The following PCDHA3 variants were observed in gnomAD, a reference collection of about 807,000 sequenced individuals.
The protein encoded by PCDHA3 is protocadherin alpha-3.
PCDHA3 carries 41 observed loss-of-function variants against 62.2 expected under a neutral mutation model. The ratio of observed to expected loss-of-function variants is 0.66; its 90% CI spans 0.51 to 0.86. The LOEUF (loss-of-function observed/expected upper bound fraction) is 0.86. Ranked by LOEUF, PCDHA3 falls within the 40% of genes least tolerant of loss-of-function variation. The pLI is 0.00. For synonymous variants in PCDHA3, 640 were observed against 555.4 expected (o/e 1.15, Z -2.14); for missense variants, 1,304 against 1,241.2 (o/e 1.05, Z -0.76).
chr5:140,831,988 G>T (rs1771788982), intron 1 of PCDHA3, among the ~76,000 whole-genome samples: 1 of 152,168 alleles, frequency 6.6e-6, no homozygotes, highest in Admixed American at 6.6e-5. Flanking sequence ...TCTCATTACG[G>T]ATTCCATATT....
intron 1 of PCDHA3, chr5:140,849,563 G>A: frequency 1.9e-6 from 3 of 1,598,488 alleles, no homozygotes; most frequent in Non-Finnish European, 2.6e-6. Flanking sequence ...AAACGCTCTC[G>A]GTTCCTGTAA....
chr5:140,953,293 G>A (rs1410676265), intron 1 of PCDHA3, among the ~76,000 whole-genome samples: 3 of 152,084 alleles, frequency 2.0e-5, no homozygotes, highest in Admixed American at 2.0e-4. Context: ...GTGATTCAGG[G>A]ACGGCAGAGA....
chr5:140,999,044 T>TTTC (rs1247197667), intron 3 of PCDHA3, among the ~76,000 whole-genome samples: 1 of 152,342 alleles, frequency 6.6e-6, no homozygotes, highest in East Asian at 1.9e-4. Flanking sequence ...TCCAGTGTGC[T>TTTC]TTCCACCATG....
At chr5:140,929,132 T>C (rs782124526) in intron 1 of PCDHA3, 2 of 1,614,214 alleles carry the variant, frequency 1.2e-6, no homozygotes, top group East Asian at 4.5e-5. Flanking sequence ...GTCACTACAG[T>C]TGAGAGACTT....
At chr5:140,831,068 A>G (rs1322669648) in intron 1 of PCDHA3, 1 of 152,158 alleles carries the variant, frequency 6.6e-6, no homozygotes, top group Non-Finnish European at 1.5e-5. Flanking sequence ...CCCCTTTTAA[A>G]CCATTGAGGA....
At chr5:140,925,523 A>G (rs2082536331) in intron 1 of PCDHA3, among the ~76,000 whole-genome samples, 1 of 152,138 alleles carries the variant, frequency 6.6e-6, no homozygotes, top group African/African-American at 2.4e-5. Flanking sequence ...ACCAAATTAA[A>G]AGCGAGGAGA....
chr5:140,828,876 T>C (rs1554131616), intron 1 of PCDHA3: 4 of 1,614,116 alleles, frequency 2.5e-6, no homozygotes, highest in African/African-American at 2.7e-5. Flanking sequence ...ACAACAGTTA[T>C]CAGACTGAAT....
chr5:140,842,994 A>G lies in PCDHA3; in HGVS notation c.2394+39403A>G, dbSNP rs1409771801. 3.8e-6 allele frequency: 6 copies of G among 1,595,048 alleles called. 1 individual carries two copies. The Admixed American group carries it at 1.0e-4, about 27-fold the overall frequency. ...ACGCTGCAGGTGTTCGTGCTGGACGAGAATGACAACGCGCCGGCACTGCTG... is the reference window on the plus strand; with the variant it reads ...ACGCTGCAGGTGTTCGTGCTGGACGGGAATGACAACGCGCCGGCACTGCTG... On this transcript the variant is annotated intron_variant, in intron 1 of 3. Coordinates refer to ENST00000522353, the MANE Select transcript of PCDHA3 (RefSeq NM_018906.3).
intron 1 of PCDHA3, chr5:140,852,646 A>G (rs1554146012): frequency 1.0e-6 from 1 of 958,708 alleles, no homozygotes; most frequent in Admixed American, 6.4e-5. Context: ...CATTAAACCT[A>G]TCTATATCTG....
chr5:140,841,226 G>C (rs892482314), intron 1 of PCDHA3: 17 of 1,452,002 alleles, frequency 1.2e-5, no homozygotes, highest in African/African-American at 2.9e-5. Flanking sequence ...GCCGAACAAC[G>C]GGAGATGCAG....
intron 3 of PCDHA3, among the ~76,000 whole-genome samples, chr5:140,984,528 T>C (rs1187541000): frequency 7.2e-5 from 11 of 152,216 alleles, no homozygotes; most frequent in African/African-American, 2.4e-4. Flanking sequence ...ACAGTCTTCA[T>C]GGACTGTGCT....
intron 1 of PCDHA3, chr5:140,876,229 GA>G: frequency 1.9e-6 from 3 of 1,613,978 alleles, no homozygotes; most frequent in Non-Finnish European, 2.5e-6. Context: ...AGTGTTGTCT[GA>G]AAATGTCCAA....
chr5:140,802,510 C>A lies in PCDHA3; in HGVS notation c.1313C>A (p.Thr438Lys). 1 of 1,614,190 alleles carries A rather than the reference C, an allele frequency of 6.2e-7. No individual in the cohort carries two copies. The highest frequency in any genetic ancestry group is 1.3e-5 in the African/African-American group (1 of 75,068). Residue 438 changes from threonine to lysine, a missense_variant, in exon 1 of 4, where the codon ACG (threonine) becomes AAG (lysine). Thr to Lys is a moderately conservative substitution (Grantham distance 78). Coordinates refer to ENST00000522353, the MANE Select transcript of PCDHA3 (RefSeq NM_018906.3). ...GGGGGCTCGCCTTCACTGTGGGCCA[C>A]GGCCAGCGTGTCCGTGGAGGTGGCC... ...RDGGSPSLWA[T>K]ASVSVEVADV...
chr5:140,852,296 G>C, intron 1 of PCDHA3: 1 of 460,598 alleles, frequency 2.2e-6, no homozygotes, highest in South Asian at 9.2e-5. Flanking sequence ...TTATTTTTCT[G>C]AGACGGAGTC....
intron 1 of PCDHA3, chr5:140,870,249 A>T (rs1554163944): frequency 6.2e-7 from 1 of 1,614,160 alleles, no homozygotes; most frequent in Non-Finnish European, 8.5e-7. Flanking sequence ...GTGTCAACGG[A>T]CAGGTGACCT....
At chr5:140,982,660 T>C (rs2096994626) in intron 3 of PCDHA3, 97 bp downstream of exon 3, 2 of 1,482,562 alleles carry the variant, frequency 1.3e-6, no homozygotes, top group South Asian at 2.7e-5. Context: ...CTCTTTTTCT[T>C]TTATATTTTT....
chr5:140,820,568 C>T (rs1554127882), intron 1 of PCDHA3, among the ~76,000 whole-genome samples: 1 of 151,874 alleles, frequency 6.6e-6, no homozygotes, highest in East Asian at 1.9e-4. Context: ...TTCTTTTGCC[C>T]ATATTTATTA....
chr5:140,844,542 G>T (rs1779426877), intron 1 of PCDHA3, among the ~76,000 whole-genome samples: 1 of 149,020 alleles, frequency 6.7e-6, no homozygotes, highest in Admixed American at 6.7e-5. Flanking sequence ...TCAACCCTTT[G>T]TTCATGAGTT....
intron 1 of PCDHA3, chr5:140,928,635 A>T (rs148091714): frequency 1.6e-4 from 258 of 1,614,104 alleles, no homozygotes; most frequent in Non-Finnish European, 2.1e-4. Flanking sequence ...ACTTGGTCAC[A>T]AAAGTGGTAG....
Sources: gnomAD v4.1 joint callset for allele counts (sites outside exome capture counted in the v4.1 genomes callset) on GRCh38, gnomAD v4.1.1 for gene constraint, MANE v1.5 for transcripts, NCBI Gene and HGNC (gene_info 2026-07-23, HGNC 2026-07-21) for gene names.